Variants in CAST observed in about 807,000 individuals in gnomAD.
CAST encodes MIR583 host.
A neutral mutation model predicts 119.6 loss-of-function variants in CAST; 76 were observed. The observed-to-expected ratio is 0.64, with a 90% CI of 0.53 to 0.77. CAST has a LOEUF of 0.77. Among genes scored for constraint, CAST ranks in the 30% least tolerant of loss-of-function variants. The pLI is 0.00. For synonymous variants in CAST, 319 were observed against 331.6 expected (o/e 0.96, Z 0.41); for missense variants, 953 against 946.5 (o/e 1.01, Z -0.09).
the CAST span, among the ~76,000 whole-genome samples, chr5:96,243,650 A>G: frequency 6.6e-6 from 1 of 152,170 alleles, no homozygotes; most frequent in African/African-American, 2.4e-5. Flanking sequence ...AATGCCACCA[A>G]TAAAAAATAT....
the CAST span, among the ~76,000 whole-genome samples, chr5:96,470,190 C>CAA: frequency 6.8e-6 from 1 of 147,040 alleles, no homozygotes; most frequent in Non-Finnish European, 1.5e-5. Context: ...TAAATGCTCA[C>CAA]ACACACACAC....
chr5:96,568,611 T>C (rs1031445248), intron 1 of CAST, among the ~76,000 whole-genome samples: 2 of 151,300 alleles, frequency 1.3e-5, no homozygotes, highest in African/African-American at 4.9e-5. Context: ...AGTTGGTTTA[T>C]ATCTTTAATA....
chr5:96,759,688 A>G (rs949921618), intron 24 of CAST, among the ~76,000 whole-genome samples: 16 of 152,112 alleles, frequency 1.1e-4, no homozygotes, highest in Non-Finnish European at 5.9e-5. Flanking sequence ...ATACTAGCAA[A>G]TATAAAAGAG....
the CAST span, among the ~76,000 whole-genome samples, chr5:96,465,245 G>T: frequency 6.6e-6 from 1 of 150,634 alleles, no homozygotes; most frequent in African/African-American, 2.4e-5. Flanking sequence ...TTGTATTTTT[G>T]TATATTTTTT....
At chr5:96,367,702 A>T in the CAST span, among the ~76,000 whole-genome samples, 6 of 152,112 alleles carry the variant, frequency 3.9e-5, no homozygotes, top group African/African-American at 1.2e-4. Flanking sequence ...GAGTGACCCA[A>T]TTTTCCAGGT....
intron 1 of CAST, among the ~76,000 whole-genome samples, chr5:96,583,867 A>G (rs572248825): frequency 1.3e-5 from 2 of 152,330 alleles, no homozygotes; most frequent in African/African-American, 4.8e-5. Flanking sequence ...AGAAGTTAAG[A>G]CACCAAACAG....
the CAST span, among the ~76,000 whole-genome samples, chr5:96,262,703 G>T: frequency 2.0e-4 from 31 of 151,834 alleles, no homozygotes; most frequent in Admixed American, 1.6e-3. Flanking sequence ...CTAATTTTTT[G>T]TGTGTGTATT....
At chr5:96,041,656 A>G in the CAST span, among the ~76,000 whole-genome samples, 1,328 of 152,250 alleles carry the variant, frequency 8.7e-3, 13 homozygotes, top group Middle Eastern at 0.031. Context: ...GAGTGAAGGA[A>G]TACATGGGAT....
chr5:96,125,029 A>T, the CAST span, among the ~76,000 whole-genome samples: 5 of 152,118 alleles, frequency 3.3e-5, no homozygotes, highest in Non-Finnish European at 7.4e-5. Flanking sequence ...TCTTAGAACA[A>T]AATTTTACCA....
chr5:95,995,097 A>G, the CAST span, among the ~76,000 whole-genome samples: 2 of 152,068 alleles, frequency 1.3e-5, no homozygotes, highest in Non-Finnish European at 2.9e-5. Context: ...TCAGATGTCA[A>G]TAACCTGACT....
the CAST span, among the ~76,000 whole-genome samples, chr5:96,185,639 G>A: frequency 5.3e-5 from 8 of 152,152 alleles, no homozygotes; most frequent in Non-Finnish European, 2.9e-5. Context: ...TGTCAAGTTT[G>A]TTAAACATCA....
At chr5:96,378,208 A>T in the CAST span, among the ~76,000 whole-genome samples, 1 of 152,164 alleles carries the variant, frequency 6.6e-6, no homozygotes, top group African/African-American at 2.4e-5. Context: ...AAAGATATAA[A>T]GTTTCAGTTA....
At chr5:96,037,010 A>G in the CAST span, among the ~76,000 whole-genome samples, 1 of 152,142 alleles carries the variant, frequency 6.6e-6, no homozygotes, top group African/African-American at 2.4e-5. Flanking sequence ...TCCCTTGTGG[A>G]AAAAATAGAT....
At chr5:96,453,266 T>G in the CAST span, among the ~76,000 whole-genome samples, 1 of 152,226 alleles carries the variant, frequency 6.6e-6, no homozygotes, top group Non-Finnish European at 1.5e-5. Context: ...GCATTGAGTT[T>G]TGAACTCTTT....
At chr5:96,486,404 C>G in the CAST span, among the ~76,000 whole-genome samples, 1 of 152,106 alleles carries the variant, frequency 6.6e-6, no homozygotes, top group Non-Finnish European at 1.5e-5. Flanking sequence ...AGCACACACT[C>G]CAGACAGAGA....
the CAST span, among the ~76,000 whole-genome samples, chr5:96,308,493 C>T: frequency 1.3e-5 from 2 of 152,036 alleles, no homozygotes; most frequent in Admixed American, 1.3e-4. Context: ...GTTTTGTTCC[C>T]TTGCTGGAGA....
chr5:96,314,265 TA>T, the CAST span, among the ~76,000 whole-genome samples: 184 of 152,332 alleles, frequency 1.2e-3, no homozygotes, highest in African/African-American at 4.2e-3. Context: ...AGAGGAGAAT[TA>T]AAGTTGTGGG....
rs1173438105 is a variant in CAST, at chr5:96,556,151, TGA to T, written c.60+26272_60+26273del. Among the ~76,000 whole-genome samples, 8 of 152,328 alleles carry T rather than the reference TGA, an allele frequency of 5.3e-5. No individual in the cohort carries two copies. The East Asian group carries it at 5.8e-4, about 11-fold the overall frequency. Reference sequence around the variant, plus strand: ...CCAACAGACCTGCAGCTGAGGGTCCTGACTGTTAGAAGGAAAACTAACAAACA... The same window carrying T: ...CCAACAGACCTGCAGCTGAGGGTCCTCTGTTAGAAGGAAAACTAACAAACA... On this transcript the variant is annotated intron_variant, in intron 1 of 11. Transcript: ENST00000505143.
chr5:96,265,266 CGT>C, the CAST span, among the ~76,000 whole-genome samples: 3 of 151,482 alleles, frequency 2.0e-5, no homozygotes, highest in South Asian at 2.1e-4. Context: ...AGGAGGTGTG[CGT>C]GTGTGTGTAC....
Sources: gnomAD v4.1 joint callset for allele counts (sites outside exome capture counted in the v4.1 genomes callset) on GRCh38, gnomAD v4.1.1 for gene constraint, MANE v1.5 for transcripts, NCBI Gene and HGNC (gene_info 2026-07-23, HGNC 2026-07-21) for gene names.